The following ZNF254 variants were observed in gnomAD, a reference collection of about 807,000 sequenced individuals.
ZNF254 encodes CTD-2017D11.1.
ZNF254 carries 10 observed loss-of-function variants against 12.4 expected under a neutral mutation model. The observed-to-expected ratio is 0.80, with a 90% CI of 0.50 to 1.36. ZNF254 has a LOEUF of 1.36. ZNF254 is among the 40% of genes most tolerant of loss of function. The probability of loss-of-function intolerance (pLI) is 0.00; values close to 1 mark genes in which losing one functional copy is unlikely to be tolerated. For missense variants in ZNF254, 996 were observed against 763.9 expected, an observed-to-expected ratio of 1.30 and a Z score of -3.58; for synonymous variants, 305 against 253.4, an observed-to-expected ratio of 1.20 and a Z score of -1.93.
chr19:24,090,690 G>A (rs989900767), intron 1 of ZNF254, among the ~76,000 whole-genome samples: 1 of 152,170 alleles, frequency 6.6e-6, no homozygotes, highest in African/African-American at 2.4e-5. Flanking sequence ...ACCTGCCTGA[G>A]CCTTCCAAAG....
At chr19:24,077,778 G>C (rs1215234350) in intron 2 of ZNF254, among the ~76,000 whole-genome samples, 3 of 152,154 alleles carry the variant, frequency 2.0e-5, no homozygotes, top group Non-Finnish European at 4.4e-5. Flanking sequence ...GATACAGGGT[G>C]TGTGTGTCTA....
chr19:24,085,408 G>GTGTATATATATATATATATATATATA (rs1555759074), upstream of ZNF254, among the ~76,000 whole-genome samples: 2 of 32,710 alleles, frequency 6.1e-5, no homozygotes, highest in African/African-American at 1.2e-4. Flanking sequence ...TTTGTTAAGG[G>GTGTATATATATATATATATATATATA]TATATATATA....
intron 3 of ZNF254, among the ~76,000 whole-genome samples, chr19:24,121,257 ATTC>A (rs755242581): frequency 4.0e-5 from 6 of 151,846 alleles, no homozygotes; most frequent in South Asian, 2.1e-4. Flanking sequence ...TTTTCCCCAT[ATTC>A]TTCTTCTAAG....
chr19:24,115,651 G>T (rs1327539881), intron 3 of ZNF254, among the ~76,000 whole-genome samples: 1 of 152,012 alleles, frequency 6.6e-6, no homozygotes, highest in East Asian at 1.9e-4. Context: ...TTGTGCACAT[G>T]TACCGTAAAA....
intron 2 of ZNF254, among the ~76,000 whole-genome samples, chr19:24,061,490 C>T (rs549781254): frequency 5.3e-5 from 8 of 152,316 alleles, no homozygotes; most frequent in African/African-American, 1.7e-4. Context: ...CACTGCAGGG[C>T]CCAGCCACCA....
intron 1 of ZNF254, among the ~76,000 whole-genome samples, chr19:24,035,030 G>A (rs1969914511): frequency 6.6e-6 from 1 of 152,140 alleles, no homozygotes; most frequent in South Asian, 2.1e-4. Flanking sequence ...AAAGGTTAGA[G>A]AGAAAAGGAC....
chr19:24,108,890 T>A (rs1432112422), intron 3 of ZNF254, among the ~76,000 whole-genome samples: 1 of 152,218 alleles, frequency 6.6e-6, no homozygotes, highest in African/African-American at 2.4e-5. Context: ...GCGCGGTGGC[T>A]CACGCCTCTA....
At chr19:24,073,284 C>G (rs554120748) in intron 2 of ZNF254, among the ~76,000 whole-genome samples, 1 of 152,244 alleles carries the variant, frequency 6.6e-6, no homozygotes, top group South Asian at 2.1e-4. Flanking sequence ...GTGATCATGC[C>G]ACTACAGTTA....
At chr19:24,062,821 A>G (rs1039536366) in intron 2 of ZNF254, among the ~76,000 whole-genome samples, 3 of 152,116 alleles carry the variant, frequency 2.0e-5, no homozygotes, top group African/African-American at 7.2e-5. Context: ...TTATTTTGAG[A>G]TGGAGTTTTG....
chr19:24,123,742 A>T (rs1490430500), intron 3 of ZNF254, among the ~76,000 whole-genome samples: 1 of 152,024 alleles, frequency 6.6e-6, no homozygotes, highest in Non-Finnish European at 1.5e-5. Flanking sequence ...ATTTTATAAA[A>T]TATTATAATT....
intron 2 of ZNF254, among the ~76,000 whole-genome samples, chr19:24,049,826 C>T (rs1360687127): frequency 6.6e-6 from 1 of 151,996 alleles, no homozygotes. Flanking sequence ...CATATCCCTG[C>T]ATCCATCACA....
At chr19:24,072,180 T>G (rs565350539) in intron 2 of ZNF254, among the ~76,000 whole-genome samples, 9 of 151,884 alleles carry the variant, frequency 5.9e-5, no homozygotes, top group Admixed American at 2.6e-4. Context: ...TCATTTTTTT[T>G]TTTTCTTCTG....
chr19:24,072,301 A>T (rs1163426105), intron 2 of ZNF254, among the ~76,000 whole-genome samples: 1 of 151,774 alleles, frequency 6.6e-6, no homozygotes, highest in Non-Finnish European at 1.5e-5. Flanking sequence ...CCTCCCGAGT[A>T]GCTGGGGTTA....
chr19:24,090,285 G>A (rs1187324515), intron 1 of ZNF254, among the ~76,000 whole-genome samples: 1 of 152,064 alleles, frequency 6.6e-6, no homozygotes, highest in East Asian at 1.9e-4. Context: ...ACTCACTGGG[G>A]CATAGTTCAG....
chr19:24,077,714 C>T (rs1308695205), intron 2 of ZNF254, among the ~76,000 whole-genome samples: 1 of 152,000 alleles, frequency 6.6e-6, no homozygotes, highest in Admixed American at 6.6e-5. Flanking sequence ...TGCCATGGTT[C>T]TGGGTTCTTC....
At chr19:24,040,261 G>GT (rs1210829717) in intron 1 of ZNF254, among the ~76,000 whole-genome samples, 2 of 152,170 alleles carry the variant, frequency 1.3e-5, no homozygotes, top group African/African-American at 4.8e-5. Flanking sequence ...TGTAAAACGG[G>GT]TGTCTACCCT....
rs529362930 is a variant in ZNF254 at position 24,063,169 on chromosome 19, C to T, written c.-94+16890C>T. On this transcript the variant is annotated intron_variant, in intron 2 of 4. Transcript: ENST00000613065. The stretch of plus-strand genomic sequence containing the variant: ...AATCCAGTCCACCATTGAGACTGAC[C>T]CCTGTACTTAGACCCAACATGCAGG... Among the ~76,000 whole-genome samples, 23 of 152,228 alleles carry T rather than the reference C, an allele frequency of 1.5e-4. No individual in the cohort carries two copies. The East Asian group carries it at 1.9e-3, about 13-fold the overall frequency.
chr19:24,072,746 T>C (rs1287132084), intron 2 of ZNF254, among the ~76,000 whole-genome samples: 1 of 152,194 alleles, frequency 6.6e-6, no homozygotes, highest in African/African-American at 2.4e-5. Flanking sequence ...AGTATCCAAG[T>C]AATGTGACTT....
At chr19:24,072,505 G>A (rs1440433819) in intron 2 of ZNF254, among the ~76,000 whole-genome samples, 2 of 151,996 alleles carry the variant, frequency 1.3e-5, no homozygotes, top group African/African-American at 4.8e-5. Context: ...GTGTATTTTG[G>A]GTATTAAGAC....
Sources: gnomAD v4.1 joint callset for allele counts (sites outside exome capture counted in the v4.1 genomes callset) on GRCh38, gnomAD v4.1.1 for gene constraint, MANE v1.5 for transcripts, NCBI Gene and HGNC (gene_info 2026-07-23, HGNC 2026-07-21) for gene names.